The following COL4A4 variants were observed in gnomAD, a reference collection of about 807,000 sequenced individuals.
COL4A4 encodes the protein collagen type IV alpha 4 chain.
In COL4A4, 105 loss-of-function variants were observed where a neutral mutation model predicts 192.9. The ratio of observed to expected loss-of-function variants is 0.54; its 90% CI spans 0.46 to 0.64. The LOEUF (loss-of-function observed/expected upper bound fraction) is 0.64, where lower values mean the gene tolerates loss of function less well. Among genes scored for constraint, COL4A4 ranks in the 30% least tolerant of loss-of-function variants. COL4A4 has a pLI of 0.00. For missense variants in COL4A4, 1,967 were observed against 2,169.3 expected (o/e 0.91, Z 1.85); for synonymous variants, 762 against 769.9 (o/e 0.99, Z 0.17).
In COL4A4 at chr2:227,094,235, C is replaced by T. The variant is rs1330069551; in HGVS notation, c.1259G>A (p.Gly420Glu). 2 of 1,613,852 alleles carry T rather than the reference C, an allele frequency of 1.2e-6. No homozygotes were observed. The highest frequency in any genetic ancestry group is 1.3e-5 in the African/African-American group (1 of 75,034). ...QGFPGLPGLPGEAGIPGRPDS... is the reference protein window; with the variant it reads ...QGFPGLPGLPEEAGIPGRPDS... ...AGGTCTCCCAGGAATACCAGCTTCT[C>T]CTGGAAGCCCAGGAAGACCAGGAAA... Residue 420 changes from glycine to glutamate, a missense_variant, in exon 20 of 48, where the codon GGA (glycine) becomes GAA (glutamate). Transcript: ENST00000396625.
At chr2:227,027,444 A>G (rs1288113097) in intron 42 of COL4A4, among the ~76,000 whole-genome samples, 1 of 146,114 alleles carries the variant, frequency 6.8e-6, no homozygotes, top group African/African-American at 2.5e-5. Context: ...ACTTGGACAC[A>G]AGAAGGGGAA....
At chr2:227,078,781 C>G (rs1350559847) in intron 24 of COL4A4, among the ~76,000 whole-genome samples, 1 of 152,180 alleles carries the variant, frequency 6.6e-6, no homozygotes, top group South Asian at 2.1e-4. Flanking sequence ...CCATCATCCT[C>G]CACCCCTGTG....
intron 37 of COL4A4, among the ~76,000 whole-genome samples, chr2:227,041,848 G>GAAAGAGAAAGAAAGAGAAAGAA (rs1243663359): frequency 5.2e-5 from 2 of 38,736 alleles, no homozygotes; most frequent in African/African-American, 2.5e-4. Context: ...AAGAAAGAAA[G>GAAAGAGAAAGAAAGAGAAAGAA]AGAAAGAAAG....
intron 41 of COL4A4, 93 bp downstream of exon 41, chr2:227,030,350 A>C: frequency 1.5e-6 from 2 of 1,376,746 alleles, no homozygotes; most frequent in Non-Finnish European, 2.1e-6. Flanking sequence ...CTTTGTTTGC[A>C]TAGGAAATAG....
At chr2:226,991,914 A>G in the COL4A4 span, among the ~76,000 whole-genome samples, 5 of 152,182 alleles carry the variant, frequency 3.3e-5, no homozygotes, top group Non-Finnish European at 5.9e-5. Context: ...CACGAGTCCC[A>G]GGCAGAGCTG....
At position 227,057,524 on chromosome 2, in the gene COL4A4, G is replaced by T; in HGVS notation, c.2460C>A (p.Val820=). ...CACAGGAATGGCCAGGTGGACCTGG[G>T]ACACCTGGAAACCCAGCATGTCCCT... ...GREGHAGFPG[V]PGPPGHSCER... The change falls in exon 29 of 48, where the codon GTC becomes GTA. Residue 820 remains valine, a synonymous_variant. Transcript: ENST00000396625. 1 of 1,613,812 alleles carries T rather than the reference G, an allele frequency of 6.2e-7. No individual in the cohort carries two copies. The highest frequency in any genetic ancestry group is 8.5e-7 in the Non-Finnish European group (1 of 1,179,892).
intron 37 of COL4A4, among the ~76,000 whole-genome samples, chr2:227,039,685 T>A (rs1466827692): frequency 1.3e-5 from 2 of 152,136 alleles, no homozygotes; most frequent in Non-Finnish European, 2.9e-5. Context: ...TGGGAGTGGT[T>A]AATGATGACA....
chr2:227,012,632 CAA>C (rs61163440), intron 44 of COL4A4, among the ~76,000 whole-genome samples: 11 of 110,244 alleles, frequency 1.0e-4, no homozygotes, highest in Non-Finnish European at 1.3e-4. Flanking sequence ...TATTTGACTT[CAA>C]AAAAAAAAAA....
At position 227,008,108 on chromosome 2, in the gene COL4A4, G is replaced by T; in HGVS notation, c.4719C>A (p.Ala1573=). 1 of 1,614,086 alleles carries T rather than the reference G, an allele frequency of 6.2e-7. No individual in the cohort carries two copies. The highest frequency in any genetic ancestry group is 2.2e-5 in the East Asian group (1 of 44,876). The change falls in exon 47 of 48, where the codon GCC becomes GCA. Residue 1573 remains alanine, a synonymous_variant. Coordinates refer to ENST00000396625, the MANE Select transcript of COL4A4 (RefSeq NM_000092.5). ...VSRCAVCEAP[A]QAVAVHSQDQ... ...CCTGGCTGTGCACCGCCACCGCCTG[G>T]GCCGGGGCCTCGCATACCGCACAGC...
intron 30 of COL4A4, among the ~76,000 whole-genome samples, 156 bp downstream of exon 30, chr2:227,055,789 G>C (rs1248111278): frequency 1.3e-5 from 2 of 152,130 alleles, no homozygotes. Context: ...TGGAAATAAC[G>C]ATACAGAGGA....
chr2:227,050,713 G>A (rs1331759726), intron 33 of COL4A4, among the ~76,000 whole-genome samples: 1 of 152,172 alleles, frequency 6.6e-6, no homozygotes, highest in Non-Finnish European at 1.5e-5. Context: ...CATGAGGCAA[G>A]TCTTCATGGG....
chr2:227,041,824 G>GA lies in COL4A4; in HGVS notation c.3505+323dup, dbSNP rs879774309. On this transcript the variant is annotated intron_variant, in intron 37 of 47. Transcript: ENST00000396625. ...AGAAAGGAAGAAAGAAAGAAAGAAA[G>GA]AAAGAAAGAAAGAAAGAAAGAAAGA... Among the ~76,000 whole-genome samples the GA allele has an allele frequency of 1.3e-3, 57 of 44,126 alleles. 1 individual carries two copies. Among genetic ancestry groups the GA allele is most frequent in the African/African-American group, 7.8e-3 (54 of 6,880 alleles). The allele number at this position is 44,126 out of a possible 152,430, so 28.9% of individuals were successfully genotyped here.
intron 4 of COL4A4, among the ~76,000 whole-genome samples, chr2:227,121,704 C>G (rs1392225413): frequency 6.6e-6 from 1 of 151,952 alleles, no homozygotes; most frequent in Non-Finnish European, 1.5e-5. Context: ...CTGAATTAAG[C>G]TATATGATAA....
In COL4A4 at chr2:227,060,116, A is replaced by AAAAAC. The variant is rs749658792; in HGVS notation, c.2164+19_2164+20insGTTTT. 130 of 1,330,034 alleles carry AAAAAC rather than the reference A, an allele frequency of 9.8e-5. 1 individual carries two copies. Among genetic ancestry groups the AAAAAC allele is most frequent in the Non-Finnish European group, 1.3e-4 (122 of 957,446 alleles). The allele number at this position is 1,330,034 out of a possible 1,614,324, so 82.4% of individuals were successfully genotyped here. A position where few individuals can be genotyped will look rare whatever the true frequency, so the allele number is the denominator to read the frequency against. On this transcript the variant is annotated intron_variant, in intron 27 of 47. Coordinates refer to ENST00000396625, the MANE Select transcript of COL4A4 (RefSeq NM_000092.5). ...TCCCAAAGCAGAAAAAAAAAAAAAA[A>AAAAAC]AAAAAAAAACCTCACTGACCAGGTG...
the COL4A4 span, among the ~76,000 whole-genome samples, chr2:226,987,185 G>A: frequency 1.3e-5 from 2 of 152,136 alleles, no homozygotes; most frequent in Non-Finnish European, 2.9e-5. Context: ...TGGGGGCTGG[G>A]GGCAAGGGGA....
At chr2:226,968,111 A>G in the COL4A4 span, among the ~76,000 whole-genome samples, 1 of 152,202 alleles carries the variant, frequency 6.6e-6, no homozygotes, top group Non-Finnish European at 1.5e-5. Flanking sequence ...GTAGTTTACA[A>G]AGATAGGAGA....
chr2:227,083,879 A>T (rs1467835986), intron 22 of COL4A4, among the ~76,000 whole-genome samples: 2 of 152,208 alleles, frequency 1.3e-5, no homozygotes, highest in Non-Finnish European at 2.9e-5. Flanking sequence ...GCACAGTGGC[A>T]TCAGCAATCA....
At chr2:226,987,184 G>A in the COL4A4 span, among the ~76,000 whole-genome samples, 18 of 152,144 alleles carry the variant, frequency 1.2e-4, no homozygotes, top group Non-Finnish European at 1.8e-4. Context: ...TTGGGGGCTG[G>A]GGGCAAGGGG....
At chr2:227,103,114 GAA>G (rs10707643) in intron 14 of COL4A4, 28 bp downstream of exon 14, 832 of 1,394,148 alleles carry the variant, frequency 6.0e-4, no homozygotes, top group Middle Eastern at 1.9e-3. Context: ...TCACACAAAT[GAA>G]AAAAAAAAAG....
Sources: gnomAD v4.1 joint callset for allele counts (sites outside exome capture counted in the v4.1 genomes callset) on GRCh38, gnomAD v4.1.1 for gene constraint, MANE v1.5 for transcripts, NCBI Gene and HGNC (gene_info 2026-07-23, HGNC 2026-07-21) for gene names.